NRXN3: variants seen among roughly 807,000 people sequenced by gnomAD.
The protein encoded by NRXN3 is neurexin 3, also known as neurexin III.
In NRXN3, 32 loss-of-function variants were observed where a neutral mutation model predicts 137.6. The observed-to-expected ratio is 0.23, with a 90% CI of 0.18 to 0.31. The LOEUF is 0.31. Ranked by LOEUF, NRXN3 falls within the 10% of genes least tolerant of loss-of-function variation. The pLI is 1.00. For missense variants in NRXN3, 1,574 were observed against 2,062.5 expected (o/e 0.76, Z 4.59); for synonymous variants, 798 against 784.5 (o/e 1.02, Z -0.29).
At chr14:79,095,148 G>T (rs1345833539) in intron 15 of NRXN3, among the ~76,000 whole-genome samples, 1 of 152,106 alleles carries the variant, frequency 6.6e-6, no homozygotes, top group Non-Finnish European at 1.5e-5. Flanking sequence ...GTCCTCTGTT[G>T]TATGCTTCTG....
intron 2 of NRXN3, among the ~76,000 whole-genome samples, chr14:78,264,903 A>T (rs1226630266): frequency 6.6e-6 from 1 of 151,972 alleles, no homozygotes; most frequent in Non-Finnish European, 1.5e-5. Context: ...TGTTGTCTTG[A>T]TGGTTGAAGG....
At chr14:78,838,641 A>C (rs1268457794) in intron 10 of NRXN3, among the ~76,000 whole-genome samples, 1 of 152,196 alleles carries the variant, frequency 6.6e-6, no homozygotes, top group Non-Finnish European at 1.5e-5. Context: ...GGGGAATTTG[A>C]CAATCAATCT....
At chr14:79,841,754 A>G (rs967103204) in intron 20 of NRXN3, among the ~76,000 whole-genome samples, 1 of 152,212 alleles carries the variant, frequency 6.6e-6, no homozygotes, top group Non-Finnish European at 1.5e-5. Context: ...GGAAAGCCTG[A>G]GTTTTCCAGT....
chr14:78,889,922 T>C (rs909804245), intron 10 of NRXN3, among the ~76,000 whole-genome samples: 20 of 151,976 alleles, frequency 1.3e-4, no homozygotes, highest in Non-Finnish European at 2.6e-4. Context: ...AAAACTATCT[T>C]TGTAAGAGAC....
At chr14:78,625,244 A>G (rs1395706100) in intron 4 of NRXN3, among the ~76,000 whole-genome samples, 1 of 152,232 alleles carries the variant, frequency 6.6e-6, no homozygotes, top group Non-Finnish European at 1.5e-5. Context: ...GAATCTTATG[A>G]GAAACACGAG....
chr14:79,537,511 A>T (rs942790891), intron 16 of NRXN3, among the ~76,000 whole-genome samples: 3 of 151,964 alleles, frequency 2.0e-5, no homozygotes, highest in African/African-American at 7.3e-5. Context: ...TCATTGTTCA[A>T]TTCCCACCTA....
At chr14:78,684,119 C>G (rs1294465675) in intron 6 of NRXN3, among the ~76,000 whole-genome samples, 2 of 152,128 alleles carry the variant, frequency 1.3e-5, no homozygotes, top group Non-Finnish European at 2.9e-5. Flanking sequence ...CTGGGGGCCT[C>G]TCTTCTCTGA....
chr14:79,554,867 A>G (rs2097412950), intron 16 of NRXN3, among the ~76,000 whole-genome samples: 1 of 152,154 alleles, frequency 6.6e-6, no homozygotes, highest in Non-Finnish European at 1.5e-5. Context: ...TAAACTGTTA[A>G]TTTTTATGAG....
chr14:78,995,911 T>C (rs562115510), intron 15 of NRXN3, among the ~76,000 whole-genome samples: 7 of 152,198 alleles, frequency 4.6e-5, no homozygotes, highest in Non-Finnish European at 8.8e-5. Context: ...CCTTTGGTGT[T>C]ATCTTTTCTA....
At chr14:78,299,721 A>G (rs571628518) in intron 4 of NRXN3, among the ~76,000 whole-genome samples, 1 of 152,292 alleles carries the variant, frequency 6.6e-6, no homozygotes, top group East Asian at 1.9e-4. Flanking sequence ...TATGAAAAAC[A>G]TTTGGAGAGC....
At chr14:78,958,913 C>A (rs2099402599) in intron 11 of NRXN3, among the ~76,000 whole-genome samples, 1 of 152,098 alleles carries the variant, frequency 6.6e-6, no homozygotes, top group Non-Finnish European at 1.5e-5. Context: ...AGTCAGTAGC[C>A]CTGGGGGTCT....
chr14:79,007,226 A>G (rs2099554860), intron 15 of NRXN3, among the ~76,000 whole-genome samples: 1 of 152,134 alleles, frequency 6.6e-6, no homozygotes, highest in Admixed American at 6.5e-5. Context: ...GTGAGAATTA[A>G]CCAAGCATCT....
At chr14:79,854,062 A>G in intron 20 of NRXN3, 2 of 984,808 alleles carry the variant, frequency 2.0e-6, no homozygotes, top group Non-Finnish European at 2.4e-6. Flanking sequence ...TTATATTTGA[A>G]AAATTAGACA....
intron 8 of NRXN3, among the ~76,000 whole-genome samples, chr14:78,786,746 T>C (rs374306238): frequency 2.6e-5 from 4 of 152,326 alleles, no homozygotes; most frequent in East Asian, 3.9e-4. Flanking sequence ...TATACTTATG[T>C]ATATGTACAC....
intron 4 of NRXN3, among the ~76,000 whole-genome samples, chr14:78,333,349 C>T (rs554843318): frequency 1.6e-4 from 24 of 152,256 alleles, no homozygotes; most frequent in Non-Finnish European, 2.8e-4. Context: ...AGATTTAGTG[C>T]GTGCCTACTG....
chr14:78,929,678 A>G (rs546981823), intron 10 of NRXN3, among the ~76,000 whole-genome samples: 1 of 152,310 alleles, frequency 6.6e-6, no homozygotes, highest in African/African-American at 2.4e-5. Context: ...TCTTTATAAT[A>G]GGATGATTTA....
chr14:78,668,126 A>T (rs1210864996), intron 6 of NRXN3, among the ~76,000 whole-genome samples: 1 of 152,168 alleles, frequency 6.6e-6, no homozygotes, highest in Non-Finnish European at 1.5e-5. Flanking sequence ...ATAGATATTA[A>T]TGTAACAGTT....
chr14:78,581,049 A>G (rs1173275505), intron 4 of NRXN3, among the ~76,000 whole-genome samples: 1 of 152,262 alleles, frequency 6.6e-6, no homozygotes, highest in Non-Finnish European at 1.5e-5. Flanking sequence ...GGTATTTTAC[A>G]TAAACTTTTT....
At chr14:78,354,146 A>G (rs2083937547) in intron 4 of NRXN3, among the ~76,000 whole-genome samples, 1 of 152,234 alleles carries the variant, frequency 6.6e-6, no homozygotes, top group South Asian at 2.1e-4. Context: ...GGAAGCATCC[A>G]TTTGAAATAC....
Sources: gnomAD v4.1 joint callset for allele counts (sites outside exome capture counted in the v4.1 genomes callset) on GRCh38, gnomAD v4.1.1 for gene constraint, MANE v1.5 for transcripts, NCBI Gene and HGNC (gene_info 2026-07-23, HGNC 2026-07-21) for gene names.